ILDR2: variants seen among roughly 807,000 people sequenced by gnomAD.
ILDR2 encodes immunoglobulin like domain containing receptor 2.
Under a neutral mutation model 66.8 loss-of-function variants are expected in ILDR2, and 25 were observed. The observed-to-expected ratio is 0.37, with a 90% confidence interval of 0.27 to 0.52. ILDR2 has a LOEUF of 0.52. ILDR2 is among the 20% of genes least tolerant of loss of function. The pLI is 0.88. For missense variants in ILDR2, 827 were observed against 876.8 expected, an observed-to-expected ratio of 0.94 and a Z score of 0.72; for synonymous variants, 367 against 357.2, an observed-to-expected ratio of 1.03 and a Z score of -0.31.
intron 3 of ILDR2, among the ~76,000 whole-genome samples, chr1:166,952,870 T>G (rs1017219107): frequency 2.6e-5 from 4 of 152,150 alleles, no homozygotes; most frequent in African/African-American, 9.7e-5. Flanking sequence ...TTGAGTTTGA[T>G]CGATGACACT....
chr1:166,939,594 A>C, intron 3 of ILDR2, 24 bp from the exon 4 acceptor site: 1 of 1,610,890 alleles, frequency 6.2e-7, no homozygotes, highest in Non-Finnish European at 8.5e-7. Context: ...AAGGAAAAGA[A>C]GAAGGAAAGT....
chr1:166,920,666 G>T, intron 9 of ILDR2, 41 bp downstream of exon 9: 2 of 1,346,178 alleles, frequency 1.5e-6, no homozygotes, highest in South Asian at 2.1e-5. Flanking sequence ...GGAGGCTCCC[G>T]CTCAGTCCCC....
At chr1:166,922,914 G>T (rs993349349) in intron 7 of ILDR2, 105 bp from the exon 8 acceptor site, 1 of 935,922 alleles carries the variant, frequency 1.1e-6, no homozygotes, top group Non-Finnish European at 1.7e-6. Flanking sequence ...GGAAACTCCT[G>T]CCTCATTGCT....
chr1:166,932,116 A>G (rs530370934), intron 6 of ILDR2, among the ~76,000 whole-genome samples: 3 of 152,262 alleles, frequency 2.0e-5, no homozygotes. Flanking sequence ...CCCAGCATAC[A>G]CAGAGATAGG....
At position 166,920,847 on chromosome 1, in the gene ILDR2, C is replaced by G. The variant is rs377136623; in HGVS notation, c.1744G>C (p.Asp582His). The stretch of plus-strand genomic sequence containing the variant: ...GCGTCGTCGGACGCGTCCTCCTGGT[C>G]GTCCTGCGACGAGCCGGCCTTGTAG... ...GTYKAGSSQD[D>H]QEDASDDALP... Residue 582 changes from aspartate to histidine, a missense_variant, in exon 9 of 10, where the codon GAC (aspartate) becomes CAC (histidine). This residue lies in a region of ILDR2 where 390 missense variants were observed against 353.6 expected (regional missense o/e 1.10). Transcript: ENST00000271417. 4 of 1,510,456 alleles carry G rather than the reference C, an allele frequency of 2.6e-6. No individual in the cohort carries two copies. Among genetic ancestry groups the G allele is most frequent in the Non-Finnish European group, 3.5e-6 (4 of 1,133,386 alleles). 93.6% of individuals were successfully genotyped at this position (1,510,456 alleles called of 1,614,324 possible). A position where few individuals can be genotyped will look rare whatever the true frequency, so the allele number is the denominator to read the frequency against.
intron 7 of ILDR2, among the ~76,000 whole-genome samples, chr1:166,923,752 G>GA (rs1351577571): frequency 6.6e-6 from 1 of 152,026 alleles, no homozygotes; most frequent in African/African-American, 2.4e-5. Context: ...GTCTGGAAAG[G>GA]AAAAAATAAA....
intron 4 of ILDR2, 87 bp downstream of exon 4, chr1:166,939,422 ATAAAG>A (rs1490415230): frequency 9.6e-7 from 1 of 1,040,914 alleles, no homozygotes; most frequent in Non-Finnish European, 1.5e-6. Flanking sequence ...AAATGTGGCA[ATAAAG>A]TAAAGAAGCA....
intron 1 of ILDR2, among the ~76,000 whole-genome samples, chr1:166,961,736 CTGA>C (rs1431232521): frequency 6.6e-6 from 1 of 152,218 alleles, no homozygotes; most frequent in African/African-American, 2.4e-5. Flanking sequence ...CAAGAGCAGT[CTGA>C]TGACTTCTGT....
rs985116988 is a variant in ILDR2 at position 166,921,298 on chromosome 1, C to A, written c.1293G>T (p.Ala431=). The A allele has an allele frequency of 1.9e-6, 3 of 1,596,042 alleles. No homozygotes were observed. The highest frequency in any genetic ancestry group is 1.3e-5 in the African/African-American group (1 of 74,676). The change falls in exon 9 of 10, where the codon GCG becomes GCT. Residue 431 remains alanine (A), a synonymous_variant. Transcript: ENST00000271417. The surrounding 1 kb of genome is among the most constrained non-coding windows in gnomAD (Gnocchi z 5.3). The part of the protein sequence containing the change: ...GVPAVSMDEL[A]AFADSYGQRP... ...GCTGGCCGTAGGAGTCAGCGAAGGCCGCCAGCTCGTCCATGGAAACGGCCG... is the reference window on the plus strand; with the variant it reads ...GCTGGCCGTAGGAGTCAGCGAAGGCAGCCAGCTCGTCCATGGAAACGGCCG...
intron 1 of ILDR2, among the ~76,000 whole-genome samples, chr1:166,964,758 G>A (rs1209540012): frequency 6.6e-6 from 1 of 152,130 alleles, no homozygotes; most frequent in Admixed American, 6.5e-5. Context: ...ACAATGTCTC[G>A]CTGCATGTGC....
Position 166,975,312 on chromosome 1 carries a change from A to G in ILDR2, c.-44T>C, listed in dbSNP as rs750170459. The G allele has an allele frequency of 6.3e-7, 1 of 1,586,514 alleles. No individual in the cohort carries two copies. Among genetic ancestry groups the G allele is most frequent in the South Asian group, 1.1e-5 (1 of 90,496 alleles). ...CGAATTACGGAGTGAGGAAAGTGGG[A>G]AATGGCTGGAACAGAAGGATCGCTG... On this transcript the variant is annotated 5_prime_UTR_variant, in exon 1 of 10. Transcript: ENST00000271417.
chr1:166,949,700 C>T (rs994883572), intron 3 of ILDR2, among the ~76,000 whole-genome samples: 1 of 152,220 alleles, frequency 6.6e-6, no homozygotes, highest in African/African-American at 2.4e-5. Flanking sequence ...ATGTTATTGG[C>T]AGTCATTAAC....
rs72707816 is a variant in ILDR2 at position 166,929,691 on chromosome 1, T to C, written c.881-2511A>G. On this transcript the variant is annotated intron_variant, in intron 6 of 9. Coordinates refer to ENST00000271417, the MANE Select transcript of ILDR2 (RefSeq NM_199351.3). ...AGCACCTAGCATAGAGCCTGGCACATTGTAGACATTTGAAATATGTGTGTT... is the reference window on the plus strand; with the variant it reads ...AGCACCTAGCATAGAGCCTGGCACACTGTAGACATTTGAAATATGTGTGTT... 8.0e-3 allele frequency among the ~76,000 whole-genome samples: 1,224 copies of C among 152,244 alleles called. 9 individuals are homozygous for C. The highest frequency in any genetic ancestry group is 0.012 in the Admixed American group (191 of 15,294).
At chr1:166,896,451 T>C (rs1203328517) in intron 2 of ILDR2, among the ~76,000 whole-genome samples, 1 of 152,074 alleles carries the variant, frequency 6.6e-6, no homozygotes, top group East Asian at 1.9e-4. Context: ...AGACAGTCAG[T>C]GGCTCTCAAG....
intron 7 of ILDR2, among the ~76,000 whole-genome samples, chr1:166,926,502 C>G (rs539631291): frequency 2.0e-5 from 3 of 152,004 alleles, no homozygotes; most frequent in Non-Finnish European, 4.4e-5. Flanking sequence ...TCCAGATTCA[C>G]GTGCCAGACT....
In ILDR2 at chr1:166,934,376, C is replaced by T. The variant is rs1466191195; in HGVS notation, c.880+925G>A. Among the ~76,000 whole-genome samples, 3 of 152,192 alleles carry T rather than the reference C, an allele frequency of 2.0e-5. No individual in the cohort carries two copies. The East Asian group carries it at 5.8e-4, about 29-fold the overall frequency. ...CCTTTTCCTTCATTCCGCAATATCT[C>T]ATTATTTCTTTCACAGTGTCTCTCA... On this transcript the variant is annotated intron_variant, in intron 6 of 9. Transcript: ENST00000271417.
intron 3 of ILDR2, among the ~76,000 whole-genome samples, chr1:166,953,031 G>A (rs1174345651): frequency 1.3e-5 from 2 of 152,140 alleles, no homozygotes; most frequent in African/African-American, 2.4e-5. Context: ...ATGTAGTAAT[G>A]GCATCCTCTG....
chr1:166,941,159 G>A (rs1661293432), intron 3 of ILDR2, among the ~76,000 whole-genome samples: 2 of 152,176 alleles, frequency 1.3e-5, no homozygotes, highest in African/African-American at 4.8e-5. Context: ...TATATTCCAA[G>A]GTAAGGAAGT....
chr1:166,949,517 A>G (rs1557948232), intron 3 of ILDR2, among the ~76,000 whole-genome samples: 1 of 152,244 alleles, frequency 6.6e-6, no homozygotes, highest in Non-Finnish European at 1.5e-5. Context: ...AATACAAATC[A>G]TACTTGAAGC....
Sources: gnomAD v4.1 joint callset for allele counts (sites outside exome capture counted in the v4.1 genomes callset) on GRCh38, gnomAD v4.1.1 for gene constraint, gnomAD v4.1.1 regional missense constraint, Gnocchi (gnomAD v3.1) non-coding constraint, MANE v1.5 for transcripts, NCBI Gene and HGNC (gene_info 2026-07-23, HGNC 2026-07-21) for gene names.